Variants in PAH observed in about 807,000 individuals in gnomAD.
The protein encoded by PAH is phenylalanine-4-hydroxylase.
In PAH, 64 loss-of-function variants were observed where a neutral mutation model predicts 62.0. The ratio of observed to expected loss-of-function variants is 1.03; its 90% CI spans 0.84 to 1.27. PAH has a LOEUF of 1.27. Among genes scored for constraint, PAH ranks in the 50% most tolerant of loss-of-function variants. The probability of loss-of-function intolerance (pLI) is 0.00; values close to 1 mark genes in which losing one functional copy is unlikely to be tolerated. For synonymous variants in PAH, 195 were observed against 196.2 expected (o/e 0.99, Z 0.05); for missense variants, 579 against 542.8 (o/e 1.07, Z -0.66).
chr12:102,888,791 A>C (rs912994804), intron 3 of PAH, among the ~76,000 whole-genome samples: 1 of 151,946 alleles, frequency 6.6e-6, no homozygotes, highest in Non-Finnish European at 1.5e-5. Flanking sequence ...ACATCAGTGC[A>C]TCCAGCAAGC....
intron 1 of PAH, among the ~76,000 whole-genome samples, chr12:102,923,042 G>A (rs921810553): frequency 6.6e-6 from 1 of 152,186 alleles, no homozygotes; most frequent in Non-Finnish European, 1.5e-5. Flanking sequence ...TCAACCCAAT[G>A]TGACATTGTA....
chr12:102,904,986 T>C (rs1369522711), intron 2 of PAH, among the ~76,000 whole-genome samples: 1 of 152,204 alleles, frequency 6.6e-6, no homozygotes, highest in African/African-American at 2.4e-5. Flanking sequence ...AATAAAAGCT[T>C]TCTACTCTCC....
chr12:102,854,348 C>T (rs1875310797), intron 6 of PAH, among the ~76,000 whole-genome samples: 1 of 152,176 alleles, frequency 6.6e-6, no homozygotes, highest in Non-Finnish European at 1.5e-5. Flanking sequence ...TCTGCTTATT[C>T]TACCTGGCAC....
chr12:102,953,809 C>G (rs1455324642), upstream of PAH: 1 of 152,218 alleles, frequency 6.6e-6, no homozygotes, highest in East Asian at 1.9e-4. Context: ...ACTCCCCCAC[C>G]CTCATGACAA....
upstream of PAH, among the ~76,000 whole-genome samples, chr12:102,918,800 C>G (rs1211509849): frequency 6.6e-6 from 1 of 152,064 alleles, no homozygotes; most frequent in Non-Finnish European, 1.5e-5. Flanking sequence ...GATTTCCATC[C>G]TCAGGAGAAT....
chr12:102,856,742 G>C (rs1189221271), intron 5 of PAH, among the ~76,000 whole-genome samples: 3 of 152,234 alleles, frequency 2.0e-5, no homozygotes, highest in Non-Finnish European at 4.4e-5. Flanking sequence ...TGGACCTCCA[G>C]CCAACTCCAA....
chr12:102,857,072 A>T (rs1394484629), intron 5 of PAH, among the ~76,000 whole-genome samples: 1 of 152,220 alleles, frequency 6.6e-6, no homozygotes, highest in Non-Finnish European at 1.5e-5. Flanking sequence ...AGAAGCTAAA[A>T]ACCTTGAAAA....
chr12:102,933,312 T>G (rs1401570729), intron 1 of PAH, among the ~76,000 whole-genome samples: 1 of 152,196 alleles, frequency 6.6e-6, no homozygotes, highest in African/African-American at 2.4e-5. Context: ...AGGATCTTAT[T>G]CTTTTTATGG....
intron 1 of PAH, chr12:102,946,913 G>T (rs1488930438): frequency 6.6e-6 from 1 of 152,168 alleles, no homozygotes; most frequent in Non-Finnish European, 1.5e-5. Flanking sequence ...AGATCTCTTT[G>T]TCTGGGGCTG....
chr12:102,931,779 A>G (rs774529045), intron 1 of PAH, among the ~76,000 whole-genome samples: 1 of 152,052 alleles, frequency 6.6e-6, no homozygotes, highest in Non-Finnish European at 1.5e-5. Flanking sequence ...AACTCCCTCA[A>G]TACAGAGACT....
upstream of PAH, among the ~76,000 whole-genome samples, chr12:102,919,651 C>A (rs1163169175): frequency 6.6e-6 from 1 of 152,064 alleles, no homozygotes; most frequent in Non-Finnish European, 1.5e-5. Flanking sequence ...CTCCATGAAT[C>A]AGATTGTTTT....
chr12:102,905,977 G>A (rs934223013), intron 2 of PAH, among the ~76,000 whole-genome samples: 9 of 151,976 alleles, frequency 5.9e-5, no homozygotes, highest in African/African-American at 2.2e-4. Flanking sequence ...GAAAATCTTT[G>A]TAACACACAT....
At chr12:102,913,610 A>C (rs1295186756) in intron 1 of PAH, among the ~76,000 whole-genome samples, 2 of 152,216 alleles carry the variant, frequency 1.3e-5, no homozygotes, top group African/African-American at 4.8e-5. Flanking sequence ...AAAATTATAA[A>C]TACACAAAAA....
At chr12:102,843,553 T>G (rs1874677590) in intron 11 of PAH, 93 bp downstream of exon 11, 1 of 1,245,438 alleles carries the variant, frequency 8.0e-7, no homozygotes, top group Admixed American at 1.7e-5. Context: ...GCTGTAGACA[T>G]TGGAGTCCAC....
At chr12:102,869,417 T>C (rs1391446382) in intron 4 of PAH, among the ~76,000 whole-genome samples, 1 of 152,098 alleles carries the variant, frequency 6.6e-6, no homozygotes, top group Non-Finnish European at 1.5e-5. Flanking sequence ...GTGGGAAAAA[T>C]AAGTAACACT....
At chr12:102,888,200 C>T (rs2085970789) in intron 3 of PAH, among the ~76,000 whole-genome samples, 1 of 152,048 alleles carries the variant, frequency 6.6e-6, no homozygotes, top group African/African-American at 2.4e-5. Context: ...TCCACACAAC[C>T]ACACTGGTAC....
At chr12:102,903,626 T>C (rs1036520057) in intron 2 of PAH, among the ~76,000 whole-genome samples, 2 of 152,180 alleles carry the variant, frequency 1.3e-5, no homozygotes, top group African/African-American at 2.4e-5. Flanking sequence ...ATAGATACTG[T>C]GCCTTTCCCA....
At chr12:102,860,617 T>C (rs1875673228) in intron 5 of PAH, among the ~76,000 whole-genome samples, 1 of 152,218 alleles carries the variant, frequency 6.6e-6, no homozygotes, top group African/African-American at 2.4e-5. Context: ...AACAGCATGG[T>C]ACTGGTATCA....
chr12:102,865,820 A>G (rs1175200705), intron 5 of PAH, among the ~76,000 whole-genome samples: 1 of 152,154 alleles, frequency 6.6e-6, no homozygotes, highest in Admixed American at 6.5e-5. Context: ...CATCTTCTCC[A>G]TCTCCCTGAG....
Sources: gnomAD v4.1 joint callset for allele counts (sites outside exome capture counted in the v4.1 genomes callset) on GRCh38, gnomAD v4.1.1 for gene constraint, MANE v1.5 for transcripts, NCBI Gene and HGNC (gene_info 2026-07-23, HGNC 2026-07-21) for gene names.